The following SSH2 variants were observed in gnomAD, a reference collection of about 807,000 sequenced individuals.
SSH2 encodes the protein slingshot protein phosphatase 2, also known as protein phosphatase Slingshot homolog 2.
A neutral mutation model predicts 135.2 loss-of-function variants in SSH2; 37 were observed. That is an observed-to-expected ratio of 0.27 (90% CI 0.21 to 0.36). The LOEUF is 0.36. SSH2 is among the 10% of genes least tolerant of loss of function. The pLI is 1.00. For synonymous variants in SSH2, 628 were observed against 646.2 expected (o/e 0.97, Z 0.43); for missense variants, 1,408 against 1,765.3 (o/e 0.80, Z 3.63).
intron 1 of SSH2, chr17:29,882,966 A>ATTTTTT (rs1446635640): frequency 6.6e-6 from 1 of 151,912 alleles, no homozygotes; most frequent in Non-Finnish European, 1.5e-5. Context: ...GCCCAGCCCA[A>ATTTTTT]TTTTTTTCTT....
chr17:29,745,840 G>C (rs2040742047), intron 3 of SSH2, among the ~76,000 whole-genome samples: 1 of 151,968 alleles, frequency 6.6e-6, no homozygotes, highest in African/African-American at 2.4e-5. Flanking sequence ...AAAGGTTTAG[G>C]GTGATTATAT....
chr17:29,878,709 C>T (rs1198733581), intron 1 of SSH2, among the ~76,000 whole-genome samples: 1 of 152,100 alleles, frequency 6.6e-6, no homozygotes, highest in East Asian at 1.9e-4. Flanking sequence ...TAATGAGTTA[C>T]TAGTCATAGT....
intron 2 of SSH2, among the ~76,000 whole-genome samples, chr17:29,826,222 C>T (rs1746785850): frequency 6.6e-6 from 1 of 152,150 alleles, no homozygotes. Context: ...TCTCTCTCAT[C>T]TTGACTGGTC....
At chr17:29,747,293 T>C (rs2040794943) in intron 3 of SSH2, among the ~76,000 whole-genome samples, 1 of 152,226 alleles carries the variant, frequency 6.6e-6, no homozygotes, top group Non-Finnish European at 1.5e-5. Flanking sequence ...AAGCTTATAA[T>C]TGGCTAATAC....
chr17:29,889,423 G>A (rs1240101856), intron 1 of SSH2, among the ~76,000 whole-genome samples: 4 of 152,102 alleles, frequency 2.6e-5, no homozygotes, highest in African/African-American at 9.7e-5. Flanking sequence ...TCCGGCCTGG[G>A]TGACAGAGAC....
rs1261172136 is a variant in SSH2, at chr17:29,626,234, T to G, written c.*4607A>C. 1 of 151,688 alleles carries G rather than the reference T, an allele frequency of 6.6e-6. No homozygotes were observed. Among genetic ancestry groups the G allele is most frequent in the African/African-American group, 2.4e-5 (1 of 41,026 alleles). The allele number at this position is 151,688 out of a possible 1,614,324, so 9.4% of individuals were successfully genotyped here. ...AGGTAACAGTCAGAGGAGAGTCTTC[T>G]GGACTTGTTTTCCATGTTAGAACAA... On this transcript the variant is annotated 3_prime_UTR_variant, in exon 16 of 16. Coordinates refer to ENST00000540801, the MANE Select transcript of SSH2 (RefSeq NM_001282129.2).
intron 3 of SSH2, among the ~76,000 whole-genome samples, chr17:29,785,924 C>A (rs538065336): frequency 5.3e-5 from 8 of 152,084 alleles, no homozygotes; most frequent in African/African-American, 1.9e-4. Flanking sequence ...CCTGCCTCAG[C>A]CTCCCCAGTA....
intron 14 of SSH2, chr17:29,643,183 T>G (rs1598704732): frequency 1.0e-6 from 1 of 985,400 alleles, no homozygotes; most frequent in East Asian, 1.1e-4. Context: ...CAGGCAGATC[T>G]GGAGTGGTAC....
chr17:29,765,814 G>A lies in SSH2; in HGVS notation c.188+28080C>T, dbSNP rs371860640. On this transcript the variant is annotated intron_variant, in intron 3 of 15. Coordinates refer to ENST00000540801, the MANE Select transcript of SSH2 (RefSeq NM_001282129.2). ...GCCGGTGGATCACTTGAGGTCAGGA[G>A]TTCAAGACCAGCCTGGCCAACATGG... Among the ~76,000 whole-genome samples the A allele has an allele frequency of 7.9e-5, 12 of 152,190 alleles. No homozygotes were observed. The East Asian group carries it at 1.3e-3, about 17-fold the overall frequency.
chr17:29,736,613 C>G (rs531672090), intron 3 of SSH2, among the ~76,000 whole-genome samples: 4 of 150,702 alleles, frequency 2.7e-5, no homozygotes, highest in Non-Finnish European at 4.4e-5. Context: ...TGGTGAAACC[C>G]TGTCTCTACT....
intron 1 of SSH2, among the ~76,000 whole-genome samples, chr17:29,926,640 GTTCA>G (rs1321690838): frequency 6.6e-6 from 1 of 151,858 alleles, no homozygotes; most frequent in Non-Finnish European, 1.5e-5. Context: ...TCTCCATCAA[GTTCA>G]AACTCCAAAC....
chr17:29,636,838 G>T (rs1218994254), intron 14 of SSH2, 36 bp from the exon 15 acceptor site: 1 of 1,436,330 alleles, frequency 7.0e-7, no homozygotes, highest in East Asian at 2.3e-5. Context: ...TCTTAATCTG[G>T]TTTGTAAAGA....
At chr17:29,754,823 T>A (rs898519448) in intron 3 of SSH2, among the ~76,000 whole-genome samples, 2 of 152,114 alleles carry the variant, frequency 1.3e-5, no homozygotes, top group Non-Finnish European at 2.9e-5. Context: ...CGCACCACCA[T>A]GCCCAGCTAA....
intron 3 of SSH2, among the ~76,000 whole-genome samples, chr17:29,709,922 A>G (rs1396008395): frequency 6.6e-6 from 1 of 152,214 alleles, no homozygotes; most frequent in Non-Finnish European, 1.5e-5. Flanking sequence ...TCGGCTTTAA[A>G]TATATTTGGG....
intron 2 of SSH2, among the ~76,000 whole-genome samples, chr17:29,823,828 G>A (rs1238125171): frequency 1.4e-5 from 2 of 140,418 alleles, no homozygotes; most frequent in African/African-American, 2.7e-5. Flanking sequence ...GCAGTGAACC[G>A]AGATCATGCC....
intron 14 of SSH2, chr17:29,640,805 A>T (rs912571304): frequency 1.3e-5 from 2 of 151,498 alleles, no homozygotes; most frequent in Non-Finnish European, 2.9e-5. Flanking sequence ...TGTGCTTATC[A>T]TTCCCTTTTT....
chr17:29,768,198 T>C (rs2041491341), intron 3 of SSH2, among the ~76,000 whole-genome samples: 2 of 151,830 alleles, frequency 1.3e-5, no homozygotes, highest in Non-Finnish European at 1.5e-5. Flanking sequence ...GGGAATAAAG[T>C]AGAAAATTTA....
At chr17:29,835,470 C>T (rs764811586) in intron 2 of SSH2, among the ~76,000 whole-genome samples, 33 of 152,232 alleles carry the variant, frequency 2.2e-4, no homozygotes, top group Non-Finnish European at 4.3e-4. Flanking sequence ...TTTCCAGATA[C>T]CTTAAGGATC....
At chr17:29,877,599 C>G (rs1249683555) in intron 1 of SSH2, among the ~76,000 whole-genome samples, 1 of 152,060 alleles carries the variant, frequency 6.6e-6, no homozygotes, top group East Asian at 1.9e-4. Flanking sequence ...GAGGTCATTA[C>G]TTTAAGTGAA....
Sources: allele counts gnomAD v4.1 joint callset (sites outside exome capture counted in the v4.1 genomes callset), GRCh38; gene constraint gnomAD v4.1.1; transcripts MANE v1.5; gene names NCBI Gene and HGNC (gene_info 2026-07-23, HGNC 2026-07-21).